Variants in CEP128 observed in about 807,000 individuals in gnomAD.
The protein encoded by CEP128 is centrosomal protein 128, also known as centrosomal protein 128kDa.
A neutral mutation model predicts 156.7 loss-of-function variants in CEP128; 132 were observed. The ratio of observed to expected loss-of-function variants is 0.84; its 90% CI spans 0.73 to 0.97. The LOEUF is 0.97. Ranked by LOEUF, CEP128 falls within the 50% of genes least tolerant of loss-of-function variation. The probability of loss-of-function intolerance (pLI) is 0.00; values close to 1 mark genes in which losing one functional copy is unlikely to be tolerated. For synonymous variants in CEP128, 469 were observed against 448.9 expected, an observed-to-expected ratio of 1.04 and a Z score of -0.57; for missense variants, 1,252 against 1,281.9, an observed-to-expected ratio of 0.98 and a Z score of 0.36.
intron 23 of CEP128, among the ~76,000 whole-genome samples, chr14:80,523,770 G>A (rs1445271186): frequency 1.3e-5 from 2 of 152,126 alleles, no homozygotes; most frequent in African/African-American, 4.8e-5. Context: ...CTATTTGATT[G>A]GCAAATACAG....
At chr14:80,772,988 C>A (rs1232567805) in intron 16 of CEP128, among the ~76,000 whole-genome samples, 1 of 152,138 alleles carries the variant, frequency 6.6e-6, no homozygotes, top group Non-Finnish European at 1.5e-5. Flanking sequence ...CGTAAGACAG[C>A]ATCTTTTGTA....
At chr14:80,911,598 T>C (rs1846438500) in intron 4 of CEP128, among the ~76,000 whole-genome samples, 1 of 152,206 alleles carries the variant, frequency 6.6e-6, no homozygotes, top group African/African-American at 2.4e-5. Context: ...GCTGTACTAC[T>C]TTTACTTCTG....
At chr14:80,494,727 T>A (rs1887434085), downstream of CEP128, among the ~76,000 whole-genome samples, 1 of 152,170 alleles carries the variant, frequency 6.6e-6, no homozygotes, top group African/African-American at 2.4e-5. Context: ...CTTAGTTAAG[T>A]AGGTAGGCAT....
intron 19 of CEP128, among the ~76,000 whole-genome samples, chr14:80,607,891 C>G (rs1357508394): frequency 6.6e-6 from 1 of 152,192 alleles, no homozygotes; most frequent in Non-Finnish European, 1.5e-5. Context: ...TCCAACCAAC[C>G]TTTCCACACC....
At chr14:80,851,666 G>C (rs1886895551) in intron 9 of CEP128, among the ~76,000 whole-genome samples, 2 of 151,600 alleles carry the variant, frequency 1.3e-5, no homozygotes, top group African/African-American at 4.8e-5. Context: ...AAATAAATAA[G>C]ATAAAAACAC....
At chr14:80,852,148 A>T (rs1314669169) in intron 9 of CEP128, among the ~76,000 whole-genome samples, 1 of 152,038 alleles carries the variant, frequency 6.6e-6, no homozygotes, top group East Asian at 1.9e-4. Flanking sequence ...AAACACAGAA[A>T]AATATTTGTT....
chr14:80,554,767 T>C (rs937075556), intron 21 of CEP128, among the ~76,000 whole-genome samples: 1 of 152,152 alleles, frequency 6.6e-6, no homozygotes, highest in Non-Finnish European at 1.5e-5. Context: ...GACTTTACTT[T>C]GTTAGCCCTA....
At chr14:80,951,455 A>G (rs1393904141) in intron 2 of CEP128, among the ~76,000 whole-genome samples, 2 of 152,162 alleles carry the variant, frequency 1.3e-5, no homozygotes, top group Non-Finnish European at 2.9e-5. Flanking sequence ...AATGTGGACT[A>G]TGATAACTTA....
intron 2 of CEP128, among the ~76,000 whole-genome samples, chr14:80,925,926 G>T (rs1052868207): frequency 1.3e-5 from 2 of 152,104 alleles, no homozygotes; most frequent in African/African-American, 4.8e-5. Flanking sequence ...GCTACTTAGT[G>T]AGCAGTGAGG....
intron 19 of CEP128, among the ~76,000 whole-genome samples, chr14:80,660,798 G>T (rs1232552885): frequency 6.6e-6 from 1 of 152,094 alleles, no homozygotes; most frequent in Non-Finnish European, 1.5e-5. Flanking sequence ...CACTGATTTG[G>T]CTATCTTAGC....
In CEP128 at chr14:80,806,232, A is replaced by C. The variant is rs574022543; in HGVS notation, c.1210-13122T>G. ...CCAAACAAATCCTACGAGAGGCTTC[A>C]TACAACCTCTTTGTACTTTTTAATA... is the stretch of plus-strand genomic sequence containing the variant. On this transcript the variant is annotated intron_variant, in intron 13 of 24. Coordinates refer to ENST00000555265, the MANE Select transcript of CEP128 (RefSeq NM_152446.5). Among the ~76,000 whole-genome samples the C allele has an allele frequency of 8.5e-5, 13 of 152,290 alleles. No homozygotes were observed. The South Asian group carries it at 2.7e-3, about 32-fold the overall frequency.
chr14:80,950,240 C>A (rs1310261159), intron 2 of CEP128, among the ~76,000 whole-genome samples: 1 of 152,142 alleles, frequency 6.6e-6, no homozygotes, highest in Non-Finnish European at 1.5e-5. Flanking sequence ...CCACAGAACT[C>A]TCAGAGGAAG....
At chr14:80,829,125 C>T (rs1024260233) in intron 13 of CEP128, among the ~76,000 whole-genome samples, 1 of 152,088 alleles carries the variant, frequency 6.6e-6, no homozygotes, top group East Asian at 1.9e-4. Flanking sequence ...ATTAGTGATA[C>T]AGACAATAAA....
intron 14 of CEP128, among the ~76,000 whole-genome samples, chr14:80,789,320 G>C (rs1901583143): frequency 6.6e-6 from 1 of 152,112 alleles, no homozygotes; most frequent in Non-Finnish European, 1.5e-5. Flanking sequence ...GAAGAATTAT[G>C]AAAGATCAGA....
Position 80,502,440 on chromosome 14 carries a change from C to T in CEP128, c.3181+2472G>A, listed in dbSNP as rs144261432. Among the ~76,000 whole-genome samples, 1,331 of 152,248 alleles carry T rather than the reference C, an allele frequency of 8.7e-3. 3 individuals are homozygous for T. Among genetic ancestry groups the T allele is most frequent in the Non-Finnish European group, 0.014 (934 of 68,014 alleles). On this transcript the variant is annotated intron_variant, in intron 24 of 24. Transcript: ENST00000555265. Reference sequence around the variant, plus strand: ...TTCTGTTTTCTCTGTTCTCTCAAGACGCACATGAATCATCTATTGCCCCTC... The same window carrying T: ...TTCTGTTTTCTCTGTTCTCTCAAGATGCACATGAATCATCTATTGCCCCTC...
intron 19 of CEP128, among the ~76,000 whole-genome samples, chr14:80,642,821 C>A (rs1042464495): frequency 2.0e-5 from 3 of 151,696 alleles, no homozygotes; most frequent in African/African-American, 7.3e-5. Flanking sequence ...GGCGGCGCGA[C>A]CTCAGCTCAC....
chr14:80,664,786 T>C (rs1359051521), intron 19 of CEP128, among the ~76,000 whole-genome samples: 1 of 152,156 alleles, frequency 6.6e-6, no homozygotes, highest in African/African-American at 2.4e-5. Flanking sequence ...CACCCAAACC[T>C]TAAAGGAGGT....
At chr14:80,872,059 T>C (rs2139262242) in intron 8 of CEP128, among the ~76,000 whole-genome samples, 1 of 152,290 alleles carries the variant, frequency 6.6e-6, no homozygotes, top group Non-Finnish European at 1.5e-5. Flanking sequence ...TAAACTCTAT[T>C]AATGGTCAAC....
Position 80,543,470 on chromosome 14 carries a change from A to G in CEP128, c.2881-12584T>C, listed in dbSNP as rs552613395. ...AGGTTAAGTATGTTTGAGATGCTCT[A>G]TTAGGCTAAATGGCTGAACAAAAAG... On this transcript the variant is annotated intron_variant, in intron 21 of 24. Transcript: ENST00000555265. Among the ~76,000 whole-genome samples the G allele has an allele frequency of 8.1e-4, 123 of 152,366 alleles. 2 individuals are homozygous for G. In the Middle Eastern group the frequency reaches 0.01, roughly 13 times the overall value.
Sources: allele counts gnomAD v4.1 joint callset (sites outside exome capture counted in the v4.1 genomes callset), GRCh38; gene constraint gnomAD v4.1.1; transcripts MANE v1.5; gene names NCBI Gene and HGNC (gene_info 2026-07-23, HGNC 2026-07-21).